The following PIP5K1B variants were observed in gnomAD, a reference collection of about 807,000 sequenced individuals.
PIP5K1B encodes the protein phosphatidylinositol 4-phosphate 5-kinase type-1 beta.
In PIP5K1B, 42 loss-of-function variants were observed where a neutral mutation model predicts 67.0. The observed-to-expected ratio is 0.63, with a 90% CI of 0.49 to 0.81. The LOEUF is 0.81. Among genes scored for constraint, PIP5K1B ranks in the 30% least tolerant of loss-of-function variants. PIP5K1B has a pLI of 0.00. For synonymous variants in PIP5K1B, 214 were observed against 231.4 expected (o/e 0.92, Z 0.68); for missense variants, 459 against 646.3 (o/e 0.71, Z 3.14).
intron 11 of PIP5K1B, among the ~76,000 whole-genome samples, chr9:68,922,059 G>A (rs2132537511): frequency 6.6e-6 from 1 of 152,238 alleles, no homozygotes; most frequent in Non-Finnish European, 1.5e-5. Context: ...ATCCTCTATG[G>A]ATACCCCTCA....
intron 1 of PIP5K1B, chr9:68,728,993 G>A (rs1427213027): frequency 6.6e-6 from 1 of 152,288 alleles, no homozygotes; most frequent in Middle Eastern, 3.4e-3. Flanking sequence ...TGGTGATTGT[G>A]AGCCAGGACA....
intron 14 of PIP5K1B, among the ~76,000 whole-genome samples, chr9:68,970,818 A>C (rs1829323406): frequency 6.6e-6 from 1 of 152,194 alleles, no homozygotes. Flanking sequence ...TGTTGCCAGC[A>C]GCCACAGTGA....
intron 14 of PIP5K1B, among the ~76,000 whole-genome samples, chr9:68,957,555 A>G (rs1428162756): frequency 6.6e-6 from 1 of 152,242 alleles, no homozygotes; most frequent in Non-Finnish European, 1.5e-5. Flanking sequence ...AGACCCAAAA[A>G]AACAGGCAAA....
intron 4 of PIP5K1B, among the ~76,000 whole-genome samples, chr9:68,856,662 C>T (rs1337393673): frequency 2.6e-5 from 4 of 152,232 alleles, no homozygotes; most frequent in East Asian, 3.8e-4. Flanking sequence ...GTCTCTTTTT[C>T]GGCTTATGCT....
Position 68,971,976 on chromosome 9 carries a change from A to C in PIP5K1B, c.1503-19164A>C, listed in dbSNP as rs556688911. 1.1e-4 allele frequency among the ~76,000 whole-genome samples: 17 copies of C among 152,198 alleles called. No homozygotes were observed. The South Asian group carries it at 3.3e-3, about 30-fold the overall frequency. The stretch of plus-strand genomic sequence containing the variant: ...ATGATAGTTTCTTTTGCTATGCAGG[A>C]GCTCTTTAGTTTAATTAGATCTCAT... On this transcript the variant is annotated intron_variant, in intron 14 of 15. Transcript: ENST00000265382.
chr9:68,738,894 A>AT (rs984981030), intron 1 of PIP5K1B, among the ~76,000 whole-genome samples: 13 of 149,710 alleles, frequency 8.7e-5, no homozygotes, highest in Admixed American at 4.0e-4. Flanking sequence ...GAAGGCCAAC[A>AT]TTTTTTTTTT....
At chr9:68,984,135 G>A (rs1454263317) in intron 14 of PIP5K1B, among the ~76,000 whole-genome samples, 1 of 152,162 alleles carries the variant, frequency 6.6e-6, no homozygotes, top group African/African-American at 2.4e-5. Context: ...TACTCGTTCT[G>A]TATTATTATT....
intron 7 of PIP5K1B, among the ~76,000 whole-genome samples, chr9:68,891,494 C>T (rs970891889): frequency 1.3e-5 from 2 of 150,372 alleles, no homozygotes; most frequent in Admixed American, 1.3e-4. Context: ...ACAAGTTGTA[C>T]ATTTATCAGT....
At chr9:68,747,436 CT>C (rs1473563156) in intron 2 of PIP5K1B, among the ~76,000 whole-genome samples, 1 of 151,654 alleles carries the variant, frequency 6.6e-6, no homozygotes, top group Non-Finnish European at 1.5e-5. Flanking sequence ...TTTATGCTGT[CT>C]TTTTGATGAG....
chr9:68,742,966 T>C (rs1417665196), intron 2 of PIP5K1B, among the ~76,000 whole-genome samples: 1 of 152,232 alleles, frequency 6.6e-6, no homozygotes, highest in African/African-American at 2.4e-5. Context: ...GATTTAATTA[T>C]AGTATTCACA....
intron 14 of PIP5K1B, among the ~76,000 whole-genome samples, chr9:68,954,908 T>A (rs1411887112): frequency 1.3e-5 from 2 of 152,122 alleles, no homozygotes; most frequent in Admixed American, 6.5e-5. Context: ...TCCCCAGAGG[T>A]GTCTCCTTGG....
At chr9:68,769,424 A>G (rs185375030) in intron 2 of PIP5K1B, among the ~76,000 whole-genome samples, 3 of 152,320 alleles carry the variant, frequency 2.0e-5, no homozygotes, top group East Asian at 1.9e-4. Context: ...TTCGAAAAGC[A>G]GTAGCATTAA....
At chr9:68,816,607 A>G (rs944787951) in intron 2 of PIP5K1B, among the ~76,000 whole-genome samples, 1 of 152,250 alleles carries the variant, frequency 6.6e-6, no homozygotes, top group Non-Finnish European at 1.5e-5. Flanking sequence ...TGTTTGGAAC[A>G]GAGTAGATGC....
At chr9:68,840,765 T>C (rs1821877262) in intron 4 of PIP5K1B, among the ~76,000 whole-genome samples, 1 of 152,216 alleles carries the variant, frequency 6.6e-6, no homozygotes, top group African/African-American at 2.4e-5. Flanking sequence ...TCTAGGACAA[T>C]CTCCCTAACT....
intron 4 of PIP5K1B, among the ~76,000 whole-genome samples, chr9:68,826,940 T>TC (rs1564165671): frequency 6.6e-6 from 1 of 151,832 alleles, no homozygotes; most frequent in Non-Finnish European, 1.5e-5. Context: ...TTAGTTGAGA[T>TC]GGGGTTTCAC....
At chr9:68,714,368 G>A (rs986950516) in intron 1 of PIP5K1B, among the ~76,000 whole-genome samples, 1 of 152,156 alleles carries the variant, frequency 6.6e-6, no homozygotes, top group African/African-American at 2.4e-5. Context: ...CATCACCAAT[G>A]TCTATTGATT....
At chr9:68,887,948 C>T (rs1028576961) in intron 6 of PIP5K1B, among the ~76,000 whole-genome samples, 13 of 150,372 alleles carry the variant, frequency 8.6e-5, no homozygotes, top group Non-Finnish European at 1.6e-4. Context: ...CCTACCTGGC[C>T]GAGGGGAAGG....
chr9:68,828,075 T>C (rs891130598), intron 4 of PIP5K1B, among the ~76,000 whole-genome samples: 6 of 152,232 alleles, frequency 3.9e-5, no homozygotes, highest in African/African-American at 1.2e-4. Flanking sequence ...TTGTCATTTG[T>C]CCGTTGGACT....
intron 2 of PIP5K1B, among the ~76,000 whole-genome samples, chr9:68,750,123 A>G (rs1217176949): frequency 6.6e-6 from 1 of 152,258 alleles, no homozygotes; most frequent in African/African-American, 2.4e-5. Flanking sequence ...GAAAATGGTT[A>G]TTAACCCATG....
Sources: allele counts gnomAD v4.1 joint callset (sites outside exome capture counted in the v4.1 genomes callset), GRCh38; gene constraint gnomAD v4.1.1; transcripts MANE v1.5; gene names NCBI Gene and HGNC (gene_info 2026-07-23, HGNC 2026-07-21).